FHIT: variants seen among roughly 807,000 people sequenced by gnomAD.
The protein encoded by FHIT is bis(5'-adenosyl)-triphosphatase.
Under a neutral mutation model 17.9 loss-of-function variants are expected in FHIT, and 19 were observed. The observed-to-expected ratio is 1.06, with a 90% CI of 0.74 to 1.56. The LOEUF (loss-of-function observed/expected upper bound fraction) is 1.56, where lower values mean the gene tolerates loss of function less well. FHIT is among the 40% of genes most tolerant of loss of function. FHIT has a pLI of 0.00. For missense variants in FHIT, 248 were observed against 189.2 expected (o/e 1.31, Z -1.82); for synonymous variants, 81 against 69.7 (o/e 1.16, Z -0.81).
At chr3:60,235,545 G>A (rs1704739111) in intron 5 of FHIT, among the ~76,000 whole-genome samples, 1 of 152,080 alleles carries the variant, frequency 6.6e-6, no homozygotes, top group Admixed American at 6.6e-5. Flanking sequence ...ATGCTTTTAA[G>A]TATTGTTTTC....
intron 4 of FHIT, among the ~76,000 whole-genome samples, chr3:60,619,458 C>T (rs957223302): frequency 1.2e-4 from 19 of 152,054 alleles, no homozygotes; most frequent in South Asian, 4.2e-4. Context: ...TGACACTATC[C>T]GACTTCAAGA....
chr3:59,876,700 C>A (rs1037179683), intron 8 of FHIT, among the ~76,000 whole-genome samples: 10 of 152,208 alleles, frequency 6.6e-5, no homozygotes, highest in African/African-American at 2.4e-4. Context: ...CATGTAAAAT[C>A]CAGCTTTAAG....
chr3:61,079,306 A>G (rs1231361492), intron 2 of FHIT, among the ~76,000 whole-genome samples: 1 of 152,128 alleles, frequency 6.6e-6, no homozygotes, highest in Non-Finnish European at 1.5e-5. Context: ...TGTTTGCCAA[A>G]CCCATAAAGC....
At chr3:60,258,824 G>C (rs1706150429) in intron 5 of FHIT, among the ~76,000 whole-genome samples, 1 of 152,072 alleles carries the variant, frequency 6.6e-6, no homozygotes, top group African/African-American at 2.4e-5. Context: ...ATGGTAATAA[G>C]CTGGGAGGGA....
intron 3 of FHIT, among the ~76,000 whole-genome samples, chr3:60,987,242 A>G (rs1710756252): frequency 1.3e-5 from 2 of 152,122 alleles, no homozygotes; most frequent in African/African-American, 2.4e-5. Context: ...ATCTGGCCAT[A>G]AACTGGCCCC....
intron 4 of FHIT, among the ~76,000 whole-genome samples, chr3:60,759,010 G>A (rs1215405121): frequency 2.0e-5 from 3 of 152,128 alleles, no homozygotes; most frequent in Non-Finnish European, 4.4e-5. Flanking sequence ...TGTTCTGGGG[G>A]CGGAAATCAT....
chr3:60,714,172 A>G (rs1553705972), intron 4 of FHIT, among the ~76,000 whole-genome samples: 1 of 152,236 alleles, frequency 6.6e-6, no homozygotes, highest in East Asian at 1.9e-4. Flanking sequence ...AACAGAACCA[A>G]AGACAAAAAC....
chr3:60,559,763 C>T (rs200510404), intron 4 of FHIT, among the ~76,000 whole-genome samples: 2 of 61,288 alleles, frequency 3.3e-5, no homozygotes, highest in African/African-American at 1.3e-4. Flanking sequence ...GTCCCTCTTA[C>T]GGGCACTTAC....
intron 5 of FHIT, among the ~76,000 whole-genome samples, chr3:60,520,240 GTTT>G (rs747756039): frequency 6.6e-6 from 1 of 151,178 alleles, no homozygotes; most frequent in Non-Finnish European, 1.5e-5. Flanking sequence ...TTTCTAGCTA[GTTT>G]TTTTTCAAAT....
intron 5 of FHIT, chr3:60,077,601 C>T (rs901670263): frequency 4.0e-5 from 6 of 150,954 alleles, no homozygotes; most frequent in Non-Finnish European, 7.4e-5. Flanking sequence ...GAAGGGATTC[C>T]CCTGGCTAAA....
intron 8 of FHIT, among the ~76,000 whole-genome samples, chr3:59,804,873 A>G (rs1162110082): frequency 6.6e-6 from 1 of 152,170 alleles, no homozygotes; most frequent in Non-Finnish European, 1.5e-5. Context: ...ACAGCCGAGG[A>G]CTGTCATGCA....
At chr3:60,562,410 T>C (rs2036984453) in intron 4 of FHIT, among the ~76,000 whole-genome samples, 1 of 152,126 alleles carries the variant, frequency 6.6e-6, no homozygotes, top group South Asian at 2.1e-4. Context: ...TTGTTTGAGA[T>C]AAATTGGCCA....
Position 60,441,911 on chromosome 3 carries a change from T to G in FHIT, c.103+94949A>C, listed in dbSNP as rs71313769. Among the ~76,000 whole-genome samples, 665 of 146,492 alleles carry G rather than the reference T, an allele frequency of 4.5e-3. 3 individuals are homozygous for G. The highest frequency in any genetic ancestry group is 0.01 in the Middle Eastern group (3 of 286). On this transcript the variant is annotated intron_variant, in intron 5 of 9. Transcript: ENST00000492590. ...ACTCGCTCTGTCACCCAGGCTGGAG[T>G]ACAGTGGCATGATCATGGCTCACTG...
At chr3:60,181,086 T>C (rs1204827066) in intron 5 of FHIT, among the ~76,000 whole-genome samples, 1 of 152,014 alleles carries the variant, frequency 6.6e-6, no homozygotes, top group Admixed American at 6.6e-5. Flanking sequence ...AAAATAAAGT[T>C]GCACCAGGAA....
At chr3:60,552,938 G>A (rs541731325) in intron 4 of FHIT, among the ~76,000 whole-genome samples, 12 of 152,266 alleles carry the variant, frequency 7.9e-5, no homozygotes, top group African/African-American at 2.9e-4. Flanking sequence ...TTCCAAAGGT[G>A]CATGTGAGAT....
Position 60,457,113 on chromosome 3 carries a change from G to A in FHIT, c.103+79747C>T, listed in dbSNP as rs576260308. 2.2e-4 allele frequency among the ~76,000 whole-genome samples: 34 copies of A among 152,196 alleles called. No individual in the cohort carries two copies. The South Asian group carries it at 2.3e-3, about 10-fold the overall frequency. ...TTCATATGGAACCAAAACAGAGCCC[G>A]TATTGCCAAGTCAATCCTAAGCCAA... On this transcript the variant is annotated intron_variant, in intron 5 of 9. Coordinates refer to ENST00000492590, the MANE Select transcript of FHIT (RefSeq NM_002012.4).
intron 8 of FHIT, among the ~76,000 whole-genome samples, chr3:59,889,364 G>A (rs1398652201): frequency 6.6e-6 from 1 of 152,140 alleles, no homozygotes; most frequent in Non-Finnish European, 1.5e-5. Context: ...CTTCTTAACT[G>A]GATTCCTAAA....
At chr3:60,578,655 A>G (rs576752025) in intron 4 of FHIT, among the ~76,000 whole-genome samples, 1 of 152,302 alleles carries the variant, frequency 6.6e-6, no homozygotes, top group African/African-American at 2.4e-5. Flanking sequence ...ATAATTTAAA[A>G]GAAAACAAGT....
chr3:60,721,568 T>C (rs1311056199), intron 4 of FHIT, among the ~76,000 whole-genome samples: 1 of 152,152 alleles, frequency 6.6e-6, no homozygotes, highest in Admixed American at 6.5e-5. Flanking sequence ...CTGGAAATAA[T>C]ATCCCAGTGG....
Sources: gnomAD v4.1 joint callset for allele counts (sites outside exome capture counted in the v4.1 genomes callset) on GRCh38, gnomAD v4.1.1 for gene constraint, MANE v1.5 for transcripts, NCBI Gene and HGNC (gene_info 2026-07-23, HGNC 2026-07-21) for gene names.